Variants in THRA observed in about 807,000 individuals in gnomAD.
THRA encodes EAR-7.
A neutral mutation model predicts 45.0 loss-of-function variants in THRA; 13 were observed. That is an observed-to-expected ratio of 0.29 (90% CI 0.19 to 0.46). THRA has a LOEUF of 0.46. Among genes scored for constraint, THRA ranks in the 20% least tolerant of loss-of-function variants. The probability of loss-of-function intolerance (pLI) is 1.00; values close to 1 mark genes in which losing one functional copy is unlikely to be tolerated. For missense variants in THRA, 278 were observed against 556.1 expected (o/e 0.50, Z 5.03); for synonymous variants, 195 against 214.0 (o/e 0.91, Z 0.78).
At chr17:40,085,614 T>C (rs1987294924) in intron 6 of THRA, among the ~76,000 whole-genome samples, 3 of 150,836 alleles carry the variant, frequency 2.0e-5, no homozygotes, top group African/African-American at 7.3e-5. Flanking sequence ...GATTACAAGA[T>C]GTGAGCCACC....
chr17:40,086,319 C>G (rs1987318554), intron 6 of THRA, among the ~76,000 whole-genome samples: 2 of 152,210 alleles, frequency 1.3e-5, no homozygotes, highest in African/African-American at 4.8e-5. Context: ...ACTTGCTGGT[C>G]ATATGACTTT....
At position 40,089,727 on chromosome 17, in the gene THRA, T is replaced by C; in HGVS notation, c.*271T>C. On this transcript the variant is annotated 3_prime_UTR_variant, in exon 9 of 9. Transcript: ENST00000450525. This position sits in a 1 kb window ranked among gnomAD's most constrained non-coding sequence, Gnocchi z 6.1. ...CTGCAGTTCCCAGGACCCCATCCTCTCAGAAGGTAGGGGAAGGGCGGGAGG... is the reference window on the plus strand; with the variant it reads ...CTGCAGTTCCCAGGACCCCATCCTCCCAGAAGGTAGGGGAAGGGCGGGAGG... 1 of 1,310,342 alleles carries C rather than the reference T, an allele frequency of 7.6e-7. No individual in the cohort carries two copies. Among genetic ancestry groups the C allele is most frequent in the Non-Finnish European group, 9.8e-7 (1 of 1,023,144 alleles). 81.2% of individuals were successfully genotyped at this position (1,310,342 alleles called of 1,614,324 possible). A position where few individuals can be genotyped will look rare whatever the true frequency, so the allele number is the denominator to read the frequency against.
chr17:40,087,378 C>T (rs939346372), intron 7 of THRA, among the ~76,000 whole-genome samples: 14 of 149,960 alleles, frequency 9.3e-5, no homozygotes, highest in South Asian at 4.3e-4. Context: ...ACACCTAGCA[C>T]ACAGACACAC....
intron 1 of THRA, chr17:40,068,926 T>G (rs541530495): frequency 6.6e-6 from 1 of 152,664 alleles, no homozygotes; most frequent in South Asian, 2.1e-4. Context: ...TGTGAGAGTG[T>G]TTTTGTGCAT....
intron 7 of THRA, 40 bp downstream of exon 7, chr17:40,086,893 G>A (rs1987338078): frequency 1.2e-6 from 2 of 1,610,184 alleles, no homozygotes; most frequent in African/African-American, 1.3e-5. Flanking sequence ...TGCTGTGCTG[G>A]AGGGAAACCT....
chr17:40,089,106 C>T lies in THRA; in HGVS notation c.983-100C>T. On this transcript the variant is annotated intron_variant, in intron 8 of 8. Coordinates refer to ENST00000450525, the MANE Select transcript of THRA (RefSeq NM_199334.5). This position sits in a 1 kb window ranked among gnomAD's most constrained non-coding sequence, Gnocchi z 6.1. ...CCTCCCCCAGCCTCTCTGCCTCTAT[C>T]TCCCCTCTAGTCCTTTCTTCCCACG... The T allele has an allele frequency of 7.8e-6, 9 of 1,158,200 alleles. No individual in the cohort carries two copies. The South Asian group carries it at 1.2e-4, about 16-fold the overall frequency. The allele number at this position is 1,158,200 out of a possible 1,614,324, so 71.7% of individuals were successfully genotyped here. A position where few individuals can be genotyped will look rare whatever the true frequency, so the allele number is the denominator to read the frequency against.
chr17:40,085,868 G>A (rs984696646), intron 6 of THRA, among the ~76,000 whole-genome samples: 3 of 151,950 alleles, frequency 2.0e-5, no homozygotes, highest in African/African-American at 4.8e-5. Context: ...GTCTGAACTC[G>A]CAACCTCAGG....
At chr17:40,076,773 G>A (rs1414003485) in intron 2 of THRA, 98 bp from the exon 3 acceptor site, 29 of 1,292,720 alleles carry the variant, frequency 2.2e-5, no homozygotes, top group Non-Finnish European at 3.0e-5. Flanking sequence ...ACACAAAATG[G>A]AAAGAATCAG....
intron 7 of THRA, among the ~76,000 whole-genome samples, chr17:40,087,414 G>GCACA (rs112827341): frequency 8.0e-4 from 95 of 119,360 alleles, no homozygotes; most frequent in African/African-American, 2.7e-3. Context: ...CAGCACACAG[G>GCACA]CACACACACA....
intron 6 of THRA, 119 bp from the exon 7 acceptor site, chr17:40,086,588 C>T: frequency 7.7e-7 from 1 of 1,305,782 alleles, no homozygotes; most frequent in Non-Finnish European, 1.0e-6. Flanking sequence ...GCCTGGGACT[C>T]AGGCACGGGC....
At chr17:40,081,834 G>A (rs1197554788) in intron 4 of THRA, among the ~76,000 whole-genome samples, 1 of 151,864 alleles carries the variant, frequency 6.6e-6, no homozygotes, top group Non-Finnish European at 1.5e-5. Context: ...GTAATGGTGG[G>A]CACCTGTAGT....
chr17:40,076,528 C>CT (rs1169520030), intron 2 of THRA, among the ~76,000 whole-genome samples: 1 of 152,202 alleles, frequency 6.6e-6, no homozygotes, highest in Non-Finnish European at 1.5e-5. Context: ...GGCTACATAG[C>CT]TTTAAGCATA....
intron 2 of THRA, among the ~76,000 whole-genome samples, chr17:40,074,987 A>G (rs1280597413): frequency 6.6e-6 from 1 of 152,226 alleles, no homozygotes; most frequent in Non-Finnish European, 1.5e-5. Flanking sequence ...ACCAGTAACT[A>G]TTGGTCATAG....
At chr17:40,066,678 AAAAAAAGAAAAAC>A (rs1203309358) in intron 1 of THRA, among the ~76,000 whole-genome samples, 6,722 of 88,048 alleles carry the variant, frequency 0.076, 668 homozygotes, top group African/African-American at 0.24. Context: ...AAAAAAAAAA[AAAAAAAGAAAAAC>A]AAAAAAGAAC....
upstream of THRA, chr17:40,062,529 C>T (rs1043343045): frequency 1.3e-5 from 2 of 152,150 alleles, no homozygotes; most frequent in African/African-American, 4.8e-5. Flanking sequence ...GGTGTTTAGA[C>T]TTTCTCCCCG....
chr17:40,064,318 C>T (rs1986474074), intron 1 of THRA, among the ~76,000 whole-genome samples: 1 of 152,222 alleles, frequency 6.6e-6, no homozygotes, highest in South Asian at 2.1e-4. Flanking sequence ...CATAAAAAGT[C>T]ACTGTCACAT....
chr17:40,078,378 A>G (rs1987023124), intron 4 of THRA, among the ~76,000 whole-genome samples: 1 of 152,320 alleles, frequency 6.6e-6, no homozygotes, highest in Admixed American at 6.5e-5. Flanking sequence ...GCTACTCAGG[A>G]GGCTGAGGTG....
At chr17:40,062,290 T>A (rs967641567), upstream of THRA, 9 of 151,888 alleles carry the variant, frequency 5.9e-5, no homozygotes, top group Non-Finnish European at 8.8e-5. Context: ...TCGGTATTGA[T>A]GTTAGAAATG....
chr17:40,071,125 T>C (rs1388311978), intron 1 of THRA, among the ~76,000 whole-genome samples: 1 of 151,866 alleles, frequency 6.6e-6, no homozygotes, highest in Non-Finnish European at 1.5e-5. Flanking sequence ...TTTCCACCCT[T>C]TTCTCAGCCG....
Sources: allele counts gnomAD v4.1 joint callset (sites outside exome capture counted in the v4.1 genomes callset), GRCh38; gene constraint gnomAD v4.1.1; non-coding constraint Gnocchi (gnomAD v3.1); transcripts MANE v1.5; gene names NCBI Gene and HGNC (gene_info 2026-07-23, HGNC 2026-07-21).